The following MYO9A variants were observed in gnomAD, a reference collection of about 807,000 sequenced individuals.
MYO9A encodes the protein unconventional myosin-IXa.
Under a neutral mutation model 293.3 loss-of-function variants are expected in MYO9A, and 103 were observed. That is an observed-to-expected ratio of 0.35 (90% CI 0.30 to 0.41). The LOEUF (loss-of-function observed/expected upper bound fraction) is 0.41, where lower values mean the gene tolerates loss of function less well. MYO9A is among the 10% of genes least tolerant of loss of function. The probability of loss-of-function intolerance (pLI) is 1.00; values close to 1 mark genes in which losing one functional copy is unlikely to be tolerated. For missense variants in MYO9A, 2,685 were observed against 3,033.0 expected (o/e 0.89, Z 2.69); for synonymous variants, 1,001 against 1,035.7 (o/e 0.97, Z 0.64).
In MYO9A at chr15:71,943,391, G is replaced by C. The variant is rs1315304994; in HGVS notation, c.2303-4464C>G. 5.3e-5 allele frequency among the ~76,000 whole-genome samples: 8 copies of C among 151,836 alleles called. 1 individual carries two copies. Among genetic ancestry groups the C allele is most frequent in the Non-Finnish European group, 1.2e-4 (8 of 67,874 alleles). On this transcript the variant is annotated intron_variant, in intron 15 of 41. Transcript: ENST00000356056. ...ATGCATGCCAGTATCTTCTATATTTGTCTCTGTATACCATCTGCAAGCAGT... is the reference window on the plus strand; with the variant it reads ...ATGCATGCCAGTATCTTCTATATTTCTCTCTGTATACCATCTGCAAGCAGT...
rs1316531951 is a variant in MYO9A, at chr15:72,033,340, A to T, written c.841-752T>A. ...AAAATAATTACAATTTTAGAATAGA[A>T]TGAAATGAAATTCCAGTACATAATG... On this transcript the variant is annotated intron_variant, in intron 2 of 41. Coordinates refer to ENST00000356056, the MANE Select transcript of MYO9A (RefSeq NM_006901.4). Among the ~76,000 whole-genome samples the T allele has an allele frequency of 2.0e-5, 3 of 152,346 alleles. No homozygotes were observed. In the East Asian group the frequency reaches 5.8e-4, roughly 29 times the overall value.
chr15:71,925,005 A>G (rs1282554138), intron 18 of MYO9A, among the ~76,000 whole-genome samples: 2 of 151,946 alleles, frequency 1.3e-5, no homozygotes, highest in Non-Finnish European at 2.9e-5. Flanking sequence ...TTAGGTTCAT[A>G]TATCTTGAGT....
intron 23 of MYO9A, among the ~76,000 whole-genome samples, chr15:71,900,690 G>A (rs983820677): frequency 2.0e-5 from 3 of 151,960 alleles, no homozygotes; most frequent in African/African-American, 7.3e-5. Flanking sequence ...TGGGTTTAAG[G>A]TAATCCTGAC....
At chr15:72,007,759 A>G (rs2077057464) in intron 8 of MYO9A, 67 bp downstream of exon 8, 1 of 1,518,022 alleles carries the variant, frequency 6.6e-7, no homozygotes, top group Non-Finnish European at 8.9e-7. Context: ...ACACCTACAA[A>G]ATACACAAAA....
chr15:72,097,235 A>G (rs758558329), intron 1 of MYO9A, among the ~76,000 whole-genome samples: 1 of 152,212 alleles, frequency 6.6e-6, no homozygotes, highest in African/African-American at 2.4e-5. Flanking sequence ...AGCATACGTC[A>G]TTGTCTTATT....
intron 18 of MYO9A, among the ~76,000 whole-genome samples, chr15:71,928,600 G>A (rs2058391210): frequency 1.3e-5 from 2 of 151,786 alleles, no homozygotes; most frequent in African/African-American, 4.8e-5. Flanking sequence ...CATTTGTGTT[G>A]TCTTCAATTT....
At chr15:72,113,001 C>A (rs936334078) in intron 1 of MYO9A, among the ~76,000 whole-genome samples, 2 of 152,132 alleles carry the variant, frequency 1.3e-5, no homozygotes, top group Non-Finnish European at 2.9e-5. Context: ...AAGGCTGAGG[C>A]AGGAGGATGG....
intron 1 of MYO9A, among the ~76,000 whole-genome samples, chr15:72,110,282 A>G (rs545036197): frequency 6.6e-6 from 1 of 152,028 alleles, no homozygotes; most frequent in Admixed American, 6.5e-5. Context: ...CTAAAAATAC[A>G]AAAATTAGCT....
At chr15:72,110,212 G>C (rs1361907014) in intron 1 of MYO9A, among the ~76,000 whole-genome samples, 19 of 151,904 alleles carry the variant, frequency 1.3e-4, no homozygotes, top group Admixed American at 1.2e-3. Flanking sequence ...GAGGCAGGTA[G>C]ATTACCTGAG....
At chr15:72,055,664 T>C (rs1363514378) in intron 1 of MYO9A, among the ~76,000 whole-genome samples, 2 of 151,660 alleles carry the variant, frequency 1.3e-5, no homozygotes, top group Non-Finnish European at 2.9e-5. Flanking sequence ...AGGACATGAA[T>C]AGACATCTCA....
Position 71,924,658 on chromosome 15 carries a change from C to T in MYO9A, c.2563-8166G>A, listed in dbSNP as rs542500364. 7.5e-4 allele frequency among the ~76,000 whole-genome samples: 114 copies of T among 152,126 alleles called. 3 individuals are homozygous for T. In the South Asian group the frequency reaches 0.022, roughly 29 times the overall value. On this transcript the variant is annotated intron_variant, in intron 18 of 41. Coordinates refer to ENST00000356056, the MANE Select transcript of MYO9A (RefSeq NM_006901.4). ...AATGTGGGCCAGGCGTGGTGGCTCA[C>T]GCCTGTAATCCCAGCACTTTGAGAG... is the stretch of plus-strand genomic sequence containing the variant.
In MYO9A at chr15:71,852,027, C is replaced by G. The variant is rs184787776; in HGVS notation, c.6475+105G>C. 7,088 of 1,266,748 alleles carry G rather than the reference C, an allele frequency of 5.6e-3. 48 individuals carry two copies. Among genetic ancestry groups the G allele is most frequent in the South Asian group, 0.028 (1,317 of 46,378 alleles). 78.5% of individuals were successfully genotyped at this position (1,266,748 alleles called of 1,614,324 possible). ...CACTGTCAAAAGCTTACCTTTGAAT[C>G]TATAAGAATTAAACCACTAGAGGAT... On this transcript the variant is annotated intron_variant, in intron 36 of 41. Transcript: ENST00000356056.
intron 1 of MYO9A, among the ~76,000 whole-genome samples, chr15:72,084,774 T>C (rs1165763412): frequency 2.0e-5 from 3 of 152,250 alleles, no homozygotes; most frequent in South Asian, 4.1e-4. Context: ...TTTAAGAATC[T>C]TGAATATTCA....
At chr15:71,899,577 A>C in intron 24 of MYO9A, 110 bp downstream of exon 24, 1 of 980,566 alleles carries the variant, frequency 1.0e-6, no homozygotes, top group Non-Finnish European at 1.5e-6. Flanking sequence ...TGGAAAAGAC[A>C]AATTGTATAC....
chr15:72,079,172 A>C (rs1395456122), intron 1 of MYO9A, among the ~76,000 whole-genome samples: 1 of 152,166 alleles, frequency 6.6e-6, no homozygotes, highest in Non-Finnish European at 1.5e-5. Flanking sequence ...ACCTCACTTA[A>C]CCAAGATGCT....
intron 27 of MYO9A, among the ~76,000 whole-genome samples, chr15:71,884,958 C>T (rs2056976956): frequency 1.5e-5 from 2 of 136,182 alleles, no homozygotes; most frequent in South Asian, 4.3e-4. Flanking sequence ...TTTCTTTCTT[C>T]CTTTTTTTTT....
At chr15:72,087,060 C>T (rs938791867) in intron 1 of MYO9A, among the ~76,000 whole-genome samples, 28 of 152,326 alleles carry the variant, frequency 1.8e-4, no homozygotes, top group Admixed American at 8.5e-4. Flanking sequence ...GCCACCGCCC[C>T]GGCCCACAGG....
At position 71,905,105 on chromosome 15, in the gene MYO9A, G is replaced by C. The variant is rs1407500754; in HGVS notation, c.2686-99C>G. ...AACATGCTGGCAAAACATTCAAAAA[G>C]TAGAGGTACACATAGAAAGAGGTTT... On this transcript the variant is annotated intron_variant, in intron 19 of 41. Transcript: ENST00000356056. The C allele has an allele frequency of 4.0e-6, 4 of 1,003,324 alleles. No individual in the cohort carries two copies. Among genetic ancestry groups the C allele is most frequent in the Non-Finnish European group, 4.3e-6 (3 of 697,826 alleles). The allele number at this position is 1,003,324 out of a possible 1,614,324, so 62.2% of individuals were successfully genotyped here.
rs1401177167 is a variant in MYO9A at position 72,046,288 on chromosome 15, C to A, written c.276G>T (p.Met92Ile). The A allele has an allele frequency of 1.2e-6, 2 of 1,614,102 alleles. No homozygotes were observed. Among genetic ancestry groups the A allele is most frequent in the South Asian group, 2.2e-5 (2 of 91,084 alleles). The change falls in exon 2 of 42, where the codon ATG (methionine) becomes ATT (isoleucine). Residue 92 changes from methionine to isoleucine, a missense_variant. By Grantham distance (10) the Met-to-Ile change is conservative (BLOSUM62 1). This residue lies in a region of MYO9A where 63 missense variants were observed against 57.9 expected (regional missense o/e 1.09). Coordinates refer to ENST00000356056, the MANE Select transcript of MYO9A (RefSeq NM_006901.4). The stretch of plus-strand genomic sequence containing the variant: ...CTCCACTTAAGCGATTTTCCAGAGC[C>A]ATTCGGGGCCACAGCATCATTCGCT... Reference protein sequence around the residue: ...PVQRMMLWPRMALENRLSGED... With the variant: ...PVQRMMLWPRIALENRLSGED...
Sources: allele counts gnomAD v4.1 joint callset (sites outside exome capture counted in the v4.1 genomes callset), GRCh38; gene constraint gnomAD v4.1.1; regional missense constraint gnomAD v4.1.1; transcripts MANE v1.5; gene names NCBI Gene and HGNC (gene_info 2026-07-23, HGNC 2026-07-21).